Variants in CCDC30 observed in about 807,000 individuals in gnomAD.
CCDC30 encodes the protein coiled-coil domain-containing protein 30.
A neutral mutation model predicts 100.2 loss-of-function variants in CCDC30; 70 were observed. The ratio of observed to expected loss-of-function variants is 0.70; its 90% CI spans 0.58 to 0.85. CCDC30 has a LOEUF of 0.85. Among genes scored for constraint, CCDC30 ranks in the 40% least tolerant of loss-of-function variants. The pLI, the probability that CCDC30 is intolerant of heterozygous loss-of-function variation, is 0.00. For synonymous variants in CCDC30, 233 were observed against 269.5 expected, an observed-to-expected ratio of 0.86 and a Z score of 1.33; for missense variants, 652 against 771.2, an observed-to-expected ratio of 0.85 and a Z score of 1.83.
chr1:42,457,649 C>G, the CCDC30 span: 2 of 388,422 alleles, frequency 5.1e-6, no homozygotes, highest in East Asian at 5.2e-5. Flanking sequence ...ATGAATTGAA[C>G]TGGGTTTTAA....
chr1:42,634,894 C>T (rs1254485893), intron 11 of CCDC30, among the ~76,000 whole-genome samples: 1 of 152,156 alleles, frequency 6.6e-6, no homozygotes, highest in Non-Finnish European at 1.5e-5. Flanking sequence ...AATCTACTTT[C>T]TTTCTCTCTA....
At chr1:42,492,066 G>T (rs558872835) in intron 4 of CCDC30, 1 of 392,322 alleles carries the variant, frequency 2.5e-6, no homozygotes, top group South Asian at 3.0e-5. Context: ...AATGTGTTCC[G>T]TGGTCAAAAA....
At chr1:42,512,769 T>C (rs1644498695) in intron 6 of CCDC30, among the ~76,000 whole-genome samples, 1 of 152,142 alleles carries the variant, frequency 6.6e-6, no homozygotes, top group Non-Finnish European at 1.5e-5. Context: ...AGGACCTCAC[T>C]CAGCCCCATG....
intron 6 of CCDC30, among the ~76,000 whole-genome samples, chr1:42,499,973 G>T (rs1644284298): frequency 1.3e-5 from 2 of 152,132 alleles, no homozygotes; most frequent in East Asian, 1.9e-4. Context: ...ACCCCAGAAG[G>T]TTGTTCCTTA....
exon 6 of CCDC30, chr1:42,498,902 G>A (rs1644266865): frequency 8.1e-7 from 1 of 1,232,134 alleles, no homozygotes; most frequent in South Asian, 4.1e-5. Flanking sequence ...TGTGGGTGGT[G>A]AACAGAGAGA....
intron 6 of CCDC30, among the ~76,000 whole-genome samples, chr1:42,499,601 A>G (rs775180597): frequency 6.6e-6 from 1 of 152,092 alleles, no homozygotes; most frequent in Non-Finnish European, 1.5e-5. Flanking sequence ...CCAGCCTCTC[A>G]AGTAGCTGGG....
exon 3 of CCDC30, chr1:42,482,734 A>C: frequency 8.1e-7 from 1 of 1,234,172 alleles, no homozygotes; most frequent in Non-Finnish European, 1.0e-6. Flanking sequence ...AACAAGTAGC[A>C]AAGAAGTTAG....
chr1:42,656,362 G>A (rs1557504668), downstream of CCDC30, among the ~76,000 whole-genome samples: 1 of 152,188 alleles, frequency 6.6e-6, no homozygotes, highest in Non-Finnish European at 1.5e-5. Context: ...CAGGTGCGGT[G>A]GCTCACGCCT....
chr1:42,628,179 A>C (rs1047466844), intron 11 of CCDC30, among the ~76,000 whole-genome samples: 1 of 152,182 alleles, frequency 6.6e-6, no homozygotes, highest in African/African-American at 2.4e-5. Flanking sequence ...TTGGAGCTTT[A>C]AAATTGACTG....
chr1:42,478,934 T>G (rs1164980357), intron 1 of CCDC30, among the ~76,000 whole-genome samples: 1 of 152,194 alleles, frequency 6.6e-6, no homozygotes, highest in Non-Finnish European at 1.5e-5. Flanking sequence ...AAGTCACTTT[T>G]TTTATTTGTA....
intron 6 of CCDC30, among the ~76,000 whole-genome samples, chr1:42,513,722 C>T (rs1354901629): frequency 2.0e-5 from 3 of 152,114 alleles, no homozygotes; most frequent in Admixed American, 6.6e-5. Context: ...TTCTTTTTAA[C>T]TCCTATATCA....
At chr1:42,620,582 CAAA>C (rs201850758) in intron 11 of CCDC30, among the ~76,000 whole-genome samples, 12 of 108,556 alleles carry the variant, frequency 1.1e-4, no homozygotes, top group Admixed American at 2.0e-4. Flanking sequence ...ATATGAGGGG[CAAA>C]AAAAAAAAAA....
At chr1:42,576,560 A>G (rs1645841412) in intron 7 of CCDC30, among the ~76,000 whole-genome samples, 1 of 152,258 alleles carries the variant, frequency 6.6e-6, no homozygotes, top group Non-Finnish European at 1.5e-5. Flanking sequence ...GAAGTGTCCA[A>G]TAATACTCAC....
chr1:42,578,249 A>C (rs1340021947), intron 8 of CCDC30, among the ~76,000 whole-genome samples: 1 of 152,218 alleles, frequency 6.6e-6, no homozygotes, highest in East Asian at 1.9e-4. Context: ...TCTAATGTTG[A>C]GTTAAAGAAA....
rs992479217 is a variant in CCDC30, at chr1:42,556,909, C to G, written c.457-9387C>G. On this transcript the variant is annotated intron_variant, in intron 6 of 16. Coordinates refer to ENST00000668663, the Ensembl canonical transcript of CCDC30. ...GGTATGTAGCTTACTAGACAGAGTA[C>G]TTCATTTTAGTGAGGAAAATACGAC... is the stretch of plus-strand genomic sequence containing the variant. Among the ~76,000 whole-genome samples, 6 of 152,268 alleles carry G rather than the reference C, an allele frequency of 3.9e-5. No individual in the cohort carries two copies. In the South Asian group the frequency reaches 8.3e-4, roughly 21 times the overall value.
At chr1:42,504,926 T>C (rs1644373252) in intron 6 of CCDC30, among the ~76,000 whole-genome samples, 1 of 152,212 alleles carries the variant, frequency 6.6e-6, no homozygotes, top group Non-Finnish European at 1.5e-5. Context: ...TAAAAAGTCC[T>C]GGTGGACTCA....
At chr1:42,619,348 C>G (rs1646786058) in intron 11 of CCDC30, among the ~76,000 whole-genome samples, 1 of 152,176 alleles carries the variant, frequency 6.6e-6, no homozygotes, top group African/African-American at 2.4e-5. Flanking sequence ...TAAGACATAA[C>G]TTAGCAGGGG....
chr1:42,467,501 T>G (rs978476113), intron 1 of CCDC30, among the ~76,000 whole-genome samples: 2 of 152,208 alleles, frequency 1.3e-5, no homozygotes, highest in Non-Finnish European at 2.9e-5. Flanking sequence ...CCTGGGTTTC[T>G]GGCTTGGGAA....
At chr1:42,460,075 CTT>C, upstream of CCDC30, 1 of 1,406,228 alleles carries the variant, frequency 7.1e-7, no homozygotes, top group Non-Finnish European at 9.2e-7. Flanking sequence ...TGGCATTTGT[CTT>C]TTAATGACAC....
Sources: gnomAD v4.1 joint callset for allele counts (sites outside exome capture counted in the v4.1 genomes callset) on GRCh38, gnomAD v4.1.1 for gene constraint, MANE v1.5 for transcripts, NCBI Gene and HGNC (gene_info 2026-07-23, HGNC 2026-07-21) for gene names.